Variants in CTBP2 observed in about 807,000 individuals in gnomAD.
CTBP2 encodes C-terminal-binding protein 2.
Under a neutral mutation model 80.3 loss-of-function variants are expected in CTBP2, and 30 were observed. The observed-to-expected ratio is 0.37, with a 90% CI of 0.28 to 0.51. The LOEUF is 0.51. CTBP2 is among the 20% of genes least tolerant of loss of function. CTBP2 has a pLI of 0.93. For missense variants in CTBP2, 1,212 were observed against 1,375.3 expected (o/e 0.88, Z 1.88); for synonymous variants, 594 against 587.4 (o/e 1.01, Z -0.16).
At chr10:125,045,742 G>A (rs552804367) in intron 2 of CTBP2, among the ~76,000 whole-genome samples, 22 of 152,134 alleles carry the variant, frequency 1.4e-4, no homozygotes, top group Middle Eastern at 3.4e-3. Flanking sequence ...CTGACCCCTC[G>A]GCCTCCCAAA....
intron 1 of CTBP2, among the ~76,000 whole-genome samples, chr10:125,149,187 A>T (rs1859360691): frequency 6.6e-6 from 1 of 152,198 alleles, no homozygotes; most frequent in African/African-American, 2.4e-5. Flanking sequence ...GGCCCGGCTC[A>T]CAGGAAATGA....
chr10:125,130,725 G>C (rs1166371933), intron 1 of CTBP2, among the ~76,000 whole-genome samples: 2 of 152,178 alleles, frequency 1.3e-5, no homozygotes, highest in African/African-American at 2.4e-5. Context: ...CCAGATGGTG[G>C]GGAAGGTACA....
intron 1 of CTBP2, among the ~76,000 whole-genome samples, chr10:125,118,246 G>C (rs1419840570): frequency 2.0e-5 from 3 of 152,202 alleles, no homozygotes; most frequent in African/African-American, 7.2e-5. Flanking sequence ...GACTTGAGAC[G>C]AGCTGGGTGA....
intron 2 of CTBP2, among the ~76,000 whole-genome samples, chr10:125,060,690 A>G (rs1964800496): frequency 6.6e-6 from 1 of 152,262 alleles, no homozygotes; most frequent in Non-Finnish European, 1.5e-5. Context: ...CTGCGTGGGC[A>G]GAACCATGAC....
intron 2 of CTBP2, among the ~76,000 whole-genome samples, chr10:125,096,194 G>A (rs910877987): frequency 6.6e-6 from 1 of 152,162 alleles, no homozygotes. Flanking sequence ...AACAAAATCC[G>A]AGTACTCAAT....
At chr10:125,115,270 G>A (rs562122652) in intron 1 of CTBP2, among the ~76,000 whole-genome samples, 2 of 152,260 alleles carry the variant, frequency 1.3e-5, no homozygotes, top group South Asian at 2.1e-4. Context: ...CTGGCTGAAC[G>A]GAGCACCACT....
chr10:125,019,302 A>G (rs1956823827), intron 1 of CTBP2, among the ~76,000 whole-genome samples: 3 of 152,178 alleles, frequency 2.0e-5, no homozygotes, highest in African/African-American at 7.2e-5. Flanking sequence ...TTAGTTATGG[A>G]TTACAAGTAC....
chr10:125,118,811 A>C (rs1019352994), intron 1 of CTBP2, among the ~76,000 whole-genome samples: 1 of 152,246 alleles, frequency 6.6e-6, no homozygotes, highest in Non-Finnish European at 1.5e-5. Context: ...CGCAGCTCCG[A>C]AAGACAAGTA....
intron 2 of CTBP2, among the ~76,000 whole-genome samples, chr10:125,087,367 C>T (rs1187409691): frequency 6.6e-6 from 1 of 152,076 alleles, no homozygotes; most frequent in Non-Finnish European, 1.5e-5. Context: ...CCACCGCGCC[C>T]AGCCAAGGGA....
At chr10:125,004,311 C>T (rs938599818) in intron 1 of CTBP2, among the ~76,000 whole-genome samples, 3 of 152,190 alleles carry the variant, frequency 2.0e-5, no homozygotes, top group South Asian at 2.1e-4. Flanking sequence ...GCTTGCGCCC[C>T]GTGCACATAC....
At chr10:125,157,418 A>G (rs1861124546) in intron 1 of CTBP2, among the ~76,000 whole-genome samples, 1 of 149,634 alleles carries the variant, frequency 6.7e-6, no homozygotes, top group Non-Finnish European at 1.5e-5. Context: ...AGCGGGGGGG[A>G]GTCGGTATTC....
chr10:125,004,285 C>T (rs1954939772), intron 1 of CTBP2, among the ~76,000 whole-genome samples: 1 of 152,216 alleles, frequency 6.6e-6, no homozygotes, highest in African/African-American at 2.4e-5. Flanking sequence ...TTACCTGCCA[C>T]ACTACAGACG....
intron 1 of CTBP2, among the ~76,000 whole-genome samples, chr10:125,131,702 C>T (rs1413310823): frequency 6.6e-6 from 1 of 152,214 alleles, no homozygotes. Flanking sequence ...ACATCAGGCT[C>T]ATGTTCCTAA....
At chr10:125,115,905 T>C (rs1853178423) in intron 1 of CTBP2, among the ~76,000 whole-genome samples, 1 of 152,026 alleles carries the variant, frequency 6.6e-6, no homozygotes, top group African/African-American at 2.4e-5. Context: ...CAGGTCAGAG[T>C]AGTCTACAGT....
chr10:125,015,559 C>T (rs1004305414), intron 1 of CTBP2, among the ~76,000 whole-genome samples: 3 of 152,208 alleles, frequency 2.0e-5, no homozygotes, highest in African/African-American at 4.8e-5. Flanking sequence ...GTTGGGAGGG[C>T]GTCCCGGAAG....
chr10:125,129,201 A>C (rs1217080670), intron 1 of CTBP2, among the ~76,000 whole-genome samples: 1 of 152,128 alleles, frequency 6.6e-6, no homozygotes, highest in Non-Finnish European at 1.5e-5. Flanking sequence ...AAGAAACCAA[A>C]ACAGTGGTGG....
rs1263554028 is a variant in CTBP2, at chr10:124,998,032, T to C, written c.2117A>G (p.Glu706Gly). The C allele has an allele frequency of 1.2e-6, 2 of 1,613,226 alleles. No homozygotes were observed. Among genetic ancestry groups the C allele is most frequent in the Non-Finnish European group, 1.7e-6 (2 of 1,179,996 alleles). ...TCCCGAGGCCACCTCGCGGATCTGC[T>C]CCACGCTCTGAACCCGCGTGCCTTC... is the stretch of plus-strand genomic sequence containing the variant. Residue 706 changes from glutamate to glycine, a missense_variant, in exon 4 of 9, where the codon GAG (glutamate) becomes GGG (glycine). Glu to Gly is a moderately conservative substitution (Grantham distance 98). Transcript: ENST00000309035.
intron 2 of CTBP2, among the ~76,000 whole-genome samples, chr10:125,092,176 C>CTTTTTTTTTTTTTTTTTTT (rs71029238): frequency 1.1e-5 from 1 of 87,098 alleles, no homozygotes; most frequent in African/African-American, 4.3e-5. Context: ...TCTGAAGATT[C>CTTTTTTTTTTTTTTTTTTT]TTTTTTTTTT....
intron 2 of CTBP2, among the ~76,000 whole-genome samples, chr10:125,043,235 C>T (rs1960343934): frequency 6.6e-6 from 1 of 152,134 alleles, no homozygotes; most frequent in Admixed American, 6.5e-5. Flanking sequence ...TCCAACATAT[C>T]CAGAATCAAG....
Sources: allele counts gnomAD v4.1 joint callset (sites outside exome capture counted in the v4.1 genomes callset), GRCh38; gene constraint gnomAD v4.1.1; transcripts MANE v1.5; gene names NCBI Gene and HGNC (gene_info 2026-07-23, HGNC 2026-07-21).